Variants in IDE observed in about 807,000 individuals in gnomAD.
The protein encoded by IDE is insulin degrading enzyme, also known as insulin-degrading enzyme.
A neutral mutation model predicts 133.2 loss-of-function variants in IDE; 58 were observed. The observed-to-expected ratio is 0.44, with a 90% CI of 0.35 to 0.54. The LOEUF (loss-of-function observed/expected upper bound fraction) is 0.54. Among genes scored for constraint, IDE ranks in the 20% least tolerant of loss-of-function variants. IDE has a pLI of 0.00. For missense variants in IDE, 981 were observed against 1,234.0 expected (o/e 0.79, Z 3.07); for synonymous variants, 396 against 421.3 (o/e 0.94, Z 0.73).
chr10:92,526,240 A>T (rs1849619669), intron 4 of IDE, among the ~76,000 whole-genome samples: 1 of 152,098 alleles, frequency 6.6e-6, no homozygotes, highest in Non-Finnish European at 1.5e-5. Context: ...ATACACAAAA[A>T]GGAAAGACAT....
intron 7 of IDE, among the ~76,000 whole-genome samples, 169 bp downstream of exon 7, chr10:92,508,559 G>GAAAA (rs5787000): frequency 2.3e-5 from 3 of 130,604 alleles, no homozygotes; most frequent in African/African-American, 5.9e-5. Context: ...ATCTAAAAAA[G>GAAAA]AAAAAAAAAA....
At position 92,521,681 on chromosome 10, in the gene IDE, C is replaced by T. The variant is rs542815288; in HGVS notation, c.662-6639G>A. 2.0e-5 allele frequency among the ~76,000 whole-genome samples: 3 copies of T among 151,216 alleles called. No homozygotes were observed. In the South Asian group the frequency reaches 6.3e-4, roughly 32 times the overall value. ...ACAACATAGTGAGATCCTGTCTCTACAAAAATTAAAATAATAATAATAATA... is the reference window on the plus strand; with the variant it reads ...ACAACATAGTGAGATCCTGTCTCTATAAAAATTAAAATAATAATAATAATA... On this transcript the variant is annotated intron_variant, in intron 4 of 24. Coordinates refer to ENST00000265986, the MANE Select transcript of IDE (RefSeq NM_004969.4).
At chr10:92,508,059 AC>A (rs1265385333) in intron 8 of IDE, 53 bp downstream of exon 8, 3 of 1,295,062 alleles carry the variant, frequency 2.3e-6, no homozygotes, top group Non-Finnish European at 3.3e-6. Context: ...AAGTTAAAAA[AC>A]ATCATAGAAA....
At chr10:92,554,603 T>C (rs1221085391) in intron 1 of IDE, 1 of 149,652 alleles carries the variant, frequency 6.7e-6, no homozygotes, top group Non-Finnish European at 1.5e-5. Flanking sequence ...ATCCCAACAC[T>C]TTGAGAGGCC....
At chr10:92,547,062 A>G (rs1842561856) in intron 1 of IDE, among the ~76,000 whole-genome samples, 1 of 152,094 alleles carries the variant, frequency 6.6e-6, no homozygotes. Flanking sequence ...CAGCTTAAAG[A>G]CACCTGTCAT....
intron 17 of IDE, among the ~76,000 whole-genome samples, chr10:92,473,099 C>T (rs1003620169): frequency 1.3e-4 from 20 of 151,400 alleles, no homozygotes; most frequent in African/African-American, 3.4e-4. Flanking sequence ...CCCGCCACCA[C>T]GCCCGGCTAA....
chr10:92,458,488 C>CTTTTTT (rs1564588151), intron 22 of IDE, among the ~76,000 whole-genome samples: 1 of 114,382 alleles, frequency 8.7e-6, no homozygotes, highest in Admixed American at 1.1e-4. Context: ...AATACTCTCT[C>CTTTTTT]TGTTTTTTTT....
intron 14 of IDE, 131 bp from the exon 15 acceptor site, chr10:92,479,552 C>A: frequency 2.9e-6 from 2 of 692,070 alleles, no homozygotes; most frequent in South Asian, 2.1e-5. Flanking sequence ...ATTCTTGAGG[C>A]TATTTCTTAT....
Position 92,474,918 on chromosome 10 carries a change from T to A in IDE, c.2039A>T (p.Gln680Leu). The A allele has an allele frequency of 1.9e-6, 3 of 1,613,420 alleles. No homozygotes were observed. The highest frequency in any genetic ancestry group is 2.5e-6 in the Non-Finnish European group (3 of 1,179,412). Residue 680 changes from glutamine (Q) to leucine (L), a missense_variant, in exon 17 of 25, where the codon CAG becomes CTG. Coordinates refer to ENST00000265986, the MANE Select transcript of IDE (RefSeq NM_004969.4). ...LNNFRAEQPH[Q>L]HAMYYLRLLM... The stretch of plus-strand genomic sequence containing the variant: ...CAAGCGGAGGTAGTACATGGCATGC[T>A]GGTGAGGCTGTTCAGCCCGGAAATT...
chr10:92,558,400 T>G (rs1843116005), intron 1 of IDE, among the ~76,000 whole-genome samples: 1 of 152,146 alleles, frequency 6.6e-6, no homozygotes, highest in African/African-American at 2.4e-5. Flanking sequence ...TGACCTTGGA[T>G]TGGGCAGTGG....
chr10:92,560,397 A>G (rs1843219194), intron 1 of IDE, among the ~76,000 whole-genome samples: 2 of 152,082 alleles, frequency 1.3e-5, no homozygotes, highest in South Asian at 2.1e-4. Context: ...ACCTTGTTAC[A>G]TTACACTCAT....
chr10:92,495,619 G>A (rs1450399705), intron 11 of IDE, among the ~76,000 whole-genome samples: 2 of 152,100 alleles, frequency 1.3e-5, no homozygotes, highest in African/African-American at 4.8e-5. Flanking sequence ...CTAAAGTGCT[G>A]GGACTACAGG....
At position 92,454,472 on chromosome 10, in the gene IDE, T is replaced by A; in HGVS notation, c.3032A>T (p.His1011Leu). ...GLPLFPLVKP[H>L]INFMAAKL ...GAGTTTTGCAGCCATGAAGTTAATATGTGGTTTCACAAGGGGAAACAGTGG... is the reference window on the plus strand; with the variant it reads ...GAGTTTTGCAGCCATGAAGTTAATAAGTGGTTTCACAAGGGGAAACAGTGG... Residue 1011 changes from histidine to leucine, a missense_variant, in exon 25 of 25, where the codon CAT (histidine) becomes CTT (leucine). Physicochemically the swap from His to Leu is moderately conservative, Grantham distance 99. Transcript: ENST00000265986. 2 of 1,613,152 alleles carry A rather than the reference T, an allele frequency of 1.2e-6. No individual in the cohort carries two copies. The highest frequency in any genetic ancestry group is 1.7e-6 in the Non-Finnish European group (2 of 1,179,042).
chr10:92,474,625 G>T (rs189044341), intron 17 of IDE: 48 of 426,656 alleles, frequency 1.1e-4, no homozygotes, highest in African/African-American at 8.1e-4. Context: ...TGTTTGGGTT[G>T]GGAATGTTCA....
intron 11 of IDE, among the ~76,000 whole-genome samples, chr10:92,496,916 C>T (rs140362168): frequency 6.6e-5 from 10 of 152,218 alleles, no homozygotes; most frequent in African/African-American, 1.2e-4. Context: ...CTGGAGAACA[C>T]GAGATGAGGC....
chr10:92,455,445 C>T (rs1423703187), intron 24 of IDE, 131 bp downstream of exon 24: 8 of 635,418 alleles, frequency 1.3e-5, no homozygotes. Context: ...CGCACCACTG[C>T]ACTCCAGCCT....
chr10:92,526,044 T>C (rs1849607149), intron 4 of IDE, among the ~76,000 whole-genome samples: 1 of 151,748 alleles, frequency 6.6e-6, no homozygotes, highest in Non-Finnish European at 1.5e-5. Context: ...TAATCCCATC[T>C]ACTTGGGAGG....
intron 1 of IDE, among the ~76,000 whole-genome samples, chr10:92,539,891 C>T (rs1347624429): frequency 6.6e-6 from 1 of 152,014 alleles, no homozygotes; most frequent in East Asian, 1.9e-4. Flanking sequence ...TAATAATTCT[C>T]AGGGTGACAG....
chr10:92,496,141 CT>C (rs1847689025), intron 11 of IDE, among the ~76,000 whole-genome samples: 1 of 152,082 alleles, frequency 6.6e-6, no homozygotes, highest in Non-Finnish European at 1.5e-5. Flanking sequence ...TCTCAAAGTG[CT>C]GGGATTACAG....
Sources: allele counts gnomAD v4.1 joint callset (sites outside exome capture counted in the v4.1 genomes callset), GRCh38; gene constraint gnomAD v4.1.1; transcripts MANE v1.5; gene names NCBI Gene and HGNC (gene_info 2026-07-23, HGNC 2026-07-21).